Variants in CDH2 observed in about 807,000 individuals in gnomAD.
CDH2 encodes cadherin-2.
CDH2 carries 17 observed loss-of-function variants against 92.0 expected under a neutral mutation model. That is an observed-to-expected ratio of 0.18 (90% CI 0.13 to 0.28). The LOEUF is 0.28. CDH2 is among the 10% of genes least tolerant of loss of function. The pLI is 1.00. For missense variants in CDH2, 862 were observed against 1,133.1 expected, an observed-to-expected ratio of 0.76 and a Z score of 3.44; for synonymous variants, 419 against 415.9, an observed-to-expected ratio of 1.01 and a Z score of -0.09.
Position 28,061,806 on chromosome 18 carries a change from T to A in CDH2, c.173-47897A>T, listed in dbSNP as rs142330972. Among the ~76,000 whole-genome samples, 3 of 152,156 alleles carry A rather than the reference T, an allele frequency of 2.0e-5. No homozygotes were observed. In the East Asian group the frequency reaches 5.8e-4, roughly 29 times the overall value. ...TTACATGGCGGCAGGCAAGATAGCA[T>A]GTGCAGGGGAACTCCCCTTTATAAA... On this transcript the variant is annotated intron_variant, in intron 2 of 15. Transcript: ENST00000269141.
At chr18:28,156,163 A>T (rs939455731) in intron 1 of CDH2, among the ~76,000 whole-genome samples, 1 of 152,140 alleles carries the variant, frequency 6.6e-6, no homozygotes, top group African/African-American at 2.4e-5. Flanking sequence ...TATTTTAATT[A>T]TCTTATTAGG....
chr18:27,999,712 ATGTG>A (rs968205579), intron 7 of CDH2, among the ~76,000 whole-genome samples: 4 of 151,242 alleles, frequency 2.6e-5, no homozygotes, highest in African/African-American at 9.7e-5. Context: ...ATATGTATAT[ATGTG>A]TGTGTGTTTG....
chr18:27,990,493 C>T (rs2012382309), intron 9 of CDH2, 143 bp from the exon 10 acceptor site: 3 of 666,072 alleles, frequency 4.5e-6, no homozygotes, highest in Non-Finnish European at 7.5e-6. Flanking sequence ...TTCTGGAAAA[C>T]ATGCATTAGC....
intron 13 of CDH2, among the ~76,000 whole-genome samples, chr18:27,984,267 A>G (rs758166740): frequency 1.3e-5 from 2 of 152,226 alleles, no homozygotes; most frequent in Non-Finnish European, 2.9e-5. Context: ...CGCACAATAA[A>G]CTAAGTCCTG....
intron 1 of CDH2, among the ~76,000 whole-genome samples, chr18:28,174,200 A>T (rs1568027303): frequency 6.6e-6 from 1 of 152,086 alleles, no homozygotes; most frequent in Non-Finnish European, 1.5e-5. Context: ...CTAATAACCT[A>T]CATATTCTCT....
rs187709691 is a variant in CDH2 at position 28,084,791 on chromosome 18, T to C, written c.172+62882A>G. On this transcript the variant is annotated intron_variant, in intron 2 of 15. Transcript: ENST00000269141. The stretch of plus-strand genomic sequence containing the variant: ...GAAGCTGAAAACTTCTGGGGGAAAA[T>C]TGTGCTGTGCTTCTCCTCCAATCCA... Among the ~76,000 whole-genome samples, 6 of 152,210 alleles carry C rather than the reference T, an allele frequency of 3.9e-5. No individual in the cohort carries two copies. In the East Asian group the frequency reaches 9.7e-4, roughly 25 times the overall value.
chr18:28,103,587 G>T (rs911652166), intron 2 of CDH2, among the ~76,000 whole-genome samples: 2 of 151,638 alleles, frequency 1.3e-5, no homozygotes, highest in Non-Finnish European at 2.9e-5. Flanking sequence ...ATGCCATGGT[G>T]GTTTGCTGCA....
At chr18:28,081,410 A>C (rs1489618250) in intron 2 of CDH2, among the ~76,000 whole-genome samples, 1 of 152,202 alleles carries the variant, frequency 6.6e-6, no homozygotes, top group African/African-American at 2.4e-5. Flanking sequence ...TTTTAAAAAA[A>C]CAGACTGATA....
At chr18:28,172,431 C>A (rs953373684) in intron 1 of CDH2, among the ~76,000 whole-genome samples, 24 of 152,012 alleles carry the variant, frequency 1.6e-4, no homozygotes, top group Non-Finnish European at 2.6e-4. Context: ...TTAAAACTTA[C>A]ATGTATTTAG....
At chr18:28,020,320 T>G (rs1429715989) in intron 2 of CDH2, among the ~76,000 whole-genome samples, 1 of 152,052 alleles carries the variant, frequency 6.6e-6, no homozygotes, top group East Asian at 1.9e-4. Flanking sequence ...AAGTTATATA[T>G]TTTTTAGTTC....
chr18:28,078,456 A>G (rs1047003235), intron 2 of CDH2, among the ~76,000 whole-genome samples: 1 of 152,140 alleles, frequency 6.6e-6, no homozygotes, highest in Non-Finnish European at 1.5e-5. Flanking sequence ...AGATTAAGAC[A>G]GCAGAGACCA....
At chr18:28,150,318 A>G (rs17495077) in intron 1 of CDH2, among the ~76,000 whole-genome samples, 1,636 of 152,306 alleles carry the variant, frequency 0.011, 34 homozygotes, top group African/African-American at 0.037. Context: ...AGGGTAGTAG[A>G]GTATGCGGGT....
At chr18:28,083,313 A>AGG (rs1599087112) in intron 2 of CDH2, among the ~76,000 whole-genome samples, 2 of 152,170 alleles carry the variant, frequency 1.3e-5, no homozygotes, top group East Asian at 3.9e-4. Flanking sequence ...GGAAAACAGA[A>AGG]CTAAGAAGAA....
intron 1 of CDH2, among the ~76,000 whole-genome samples, chr18:28,157,661 A>G (rs570363896): frequency 1.3e-5 from 2 of 152,314 alleles, no homozygotes; most frequent in South Asian, 4.1e-4. Context: ...TCCTATATGA[A>G]TTGAGACTAA....
In CDH2 at chr18:28,125,390, G is replaced by T. The variant is rs916029809; in HGVS notation, c.172+22283C>A. Among the ~76,000 whole-genome samples the T allele has an allele frequency of 2.0e-5, 3 of 152,020 alleles. No individual in the cohort carries two copies. The East Asian group carries it at 5.8e-4, about 29-fold the overall frequency. ...AATATCTGCTGGCAGTGATTCCAAA[G>T]GCAGATAGGAGATGGAATGGAGTAA... On this transcript the variant is annotated intron_variant, in intron 2 of 15. Transcript: ENST00000269141.
At chr18:28,094,929 T>C (rs999209109) in intron 2 of CDH2, among the ~76,000 whole-genome samples, 9 of 151,756 alleles carry the variant, frequency 5.9e-5, no homozygotes, top group Admixed American at 3.3e-4. Context: ...AACCTATAAA[T>C]TGGGGGGAAA....
chr18:27,965,844 TGTG>T (rs2011520094), intron 14 of CDH2, among the ~76,000 whole-genome samples: 2 of 151,442 alleles, frequency 1.3e-5, no homozygotes, highest in African/African-American at 4.8e-5. Flanking sequence ...ATCAGCCGGA[TGTG>T]GTGGTGGGCG....
chr18:28,111,510 C>T (rs749511404), intron 2 of CDH2, among the ~76,000 whole-genome samples: 12 of 152,178 alleles, frequency 7.9e-5, no homozygotes, highest in East Asian at 5.8e-4. Context: ...ATCTTAGAAA[C>T]GATCTATCCA....
At chr18:27,947,144 G>A (rs190144500), downstream of CDH2, among the ~76,000 whole-genome samples, 1 of 151,746 alleles carries the variant, frequency 6.6e-6, no homozygotes, top group African/African-American at 2.4e-5. Flanking sequence ...TTGTTTGTCA[G>A]GAAAATCCAA....
Sources: gnomAD v4.1 joint callset for allele counts (sites outside exome capture counted in the v4.1 genomes callset) on GRCh38, gnomAD v4.1.1 for gene constraint, MANE v1.5 for transcripts, NCBI Gene and HGNC (gene_info 2026-07-23, HGNC 2026-07-21) for gene names.